STX16: variants seen among roughly 807,000 people sequenced by gnomAD.
STX16 encodes syntaxin-16.
In STX16, 28 loss-of-function variants were observed where a neutral mutation model predicts 42.7. The observed-to-expected ratio is 0.66, with a 90% CI of 0.49 to 0.90. The LOEUF (loss-of-function observed/expected upper bound fraction) is 0.90, where lower values mean the gene tolerates loss of function less well. Ranked by LOEUF, STX16 falls within the 40% of genes least tolerant of loss-of-function variation. The pLI is 0.00. For synonymous variants in STX16, 156 were observed against 155.2 expected (o/e 1.00, Z -0.04); for missense variants, 361 against 420.9 (o/e 0.86, Z 1.24).
intron 5 of STX16, 25 bp downstream of exon 5, chr20:58,669,478 AG>A (rs1274218366): frequency 1.1e-5 from 18 of 1,580,308 alleles, no homozygotes; most frequent in Non-Finnish European, 1.5e-5. Flanking sequence ...GGCCTAGTGA[AG>A]GGATTTTGAG....
intron 8 of STX16, among the ~76,000 whole-genome samples, chr20:58,674,608 A>G (rs940174493): frequency 1.3e-5 from 2 of 152,204 alleles, no homozygotes; most frequent in African/African-American, 4.8e-5. Flanking sequence ...CAGCCCTTGC[A>G]CTAGTCTAAC....
chr20:58,664,427 CTATT>C (rs2083769601), intron 2 of STX16, among the ~76,000 whole-genome samples: 1 of 152,190 alleles, frequency 6.6e-6, no homozygotes, highest in African/African-American at 2.4e-5. Context: ...AAATTATTCG[CTATT>C]TAAAGTTTTC....
In STX16 at chr20:58,652,111, C is replaced by T; in HGVS notation, c.105C>T (p.Ser35=). 6.2e-7 allele frequency: 1 copy of T among 1,614,172 alleles called. No homozygotes were observed. The highest frequency in any genetic ancestry group is 8.5e-7 in the Non-Finnish European group (1 of 1,180,036). ...AAGTGAGTAGTCACATCACCTCCAG[C>T]CCTCTGCATTCACGTAGCATTGCTG... ...AEQVSSHITS[S]PLHSRSIAAE... is the part of the protein sequence containing the mutation. Residue 35 remains serine (S), a synonymous_variant, in exon 1 of 9, where the codon AGC becomes AGT. Coordinates refer to ENST00000371141, the MANE Select transcript of STX16 (RefSeq NM_001001433.3).
At chr20:58,667,740 A>C (rs1003646725) in intron 3 of STX16, 143 bp downstream of exon 3, 22 of 870,256 alleles carry the variant, frequency 2.5e-5, no homozygotes, top group Admixed American at 2.4e-5. Context: ...TAAGTTGTCT[A>C]TGTGTGTGTT....
At chr20:58,670,789 G>A (rs1457388368) in intron 6 of STX16, among the ~76,000 whole-genome samples, 186 bp downstream of exon 6, 3 of 152,194 alleles carry the variant, frequency 2.0e-5, no homozygotes, top group Non-Finnish European at 4.4e-5. Context: ...AAGGCCACAG[G>A]GAGACCTTGT....
At chr20:58,671,369 C>G in intron 7 of STX16, 72 bp downstream of exon 7, 1 of 1,480,552 alleles carries the variant, frequency 6.8e-7, no homozygotes, top group South Asian at 1.4e-5. Flanking sequence ...TCCTGTACTC[C>G]TTTCAGGGAA....
rs1487380165 is a variant in STX16 at position 58,672,178 on chromosome 20, C to CA, written c.792+888dup. ...TGAAACCCCGTCTCTGCTAAAAATA[C>CA]AAAAAAATTAGCTGGGCATGGTGGC... On this transcript the variant is annotated intron_variant, in intron 7 of 8. Transcript: ENST00000371141. Among the ~76,000 whole-genome samples the CA allele has an allele frequency of 3.9e-5, 6 of 151,940 alleles. No homozygotes were observed. In the East Asian group the frequency reaches 1.2e-3, roughly 29 times the overall value.
chr20:58,670,367 C>T, intron 5 of STX16, 145 bp from the exon 6 acceptor site: 2 of 615,134 alleles, frequency 3.3e-6, no homozygotes, highest in South Asian at 3.8e-5. Flanking sequence ...CCCTCCACCC[C>T]CATTGGAGAT....
At chr20:58,676,099 G>T (rs2084114416) in intron 8 of STX16, 88 bp from the exon 9 acceptor site, 2 of 1,036,966 alleles carry the variant, frequency 1.9e-6, no homozygotes, top group Non-Finnish European at 1.5e-6. Flanking sequence ...TGTGCAGAGA[G>T]ATCTGGAAGC....
Position 58,651,764 on chromosome 20 carries a change from A to C in STX16, c.-243A>C. The C allele has an allele frequency of 2.2e-6, 1 of 454,854 alleles. No individual in the cohort carries two copies. The highest frequency in any genetic ancestry group is 4.1e-5 in the East Asian group (1 of 24,292). 28.2% of individuals were successfully genotyped at this position (454,854 alleles called of 1,614,324 possible). On this transcript the variant is annotated 5_prime_UTR_variant, in exon 1 of 9. Coordinates refer to ENST00000371141, the MANE Select transcript of STX16 (RefSeq NM_001001433.3). ...AAGGATTGGGGGGATTCAAGTGCTT[A>C]GAGATCGAAGTCTGCCCTGGGTAGG...
At chr20:58,653,104 A>G (rs572040868) in intron 1 of STX16, among the ~76,000 whole-genome samples, 13 of 152,244 alleles carry the variant, frequency 8.5e-5, no homozygotes, top group African/African-American at 1.2e-4. Flanking sequence ...GCTGTAGTTC[A>G]GGCTACCTGC....
rs2084190112 is a variant in STX16, at chr20:58,678,491, A to T, written c.*2200A>T. 1 of 152,056 alleles carries T rather than the reference A, an allele frequency of 6.6e-6. No homozygotes were observed. The highest frequency in any genetic ancestry group is 1.5e-5 in the Non-Finnish European group (1 of 68,040). The allele number at this position is 152,056 out of a possible 1,614,324, so 9.4% of individuals were successfully genotyped here. ...GAAACCCCGTCTCTACAAAAAATACAAAAATTAGCCGGGTGGGACACGCCT... is the reference window on the plus strand; with the variant it reads ...GAAACCCCGTCTCTACAAAAAATACTAAAATTAGCCGGGTGGGACACGCCT... On this transcript the variant is annotated 3_prime_UTR_variant, in exon 9 of 9. Transcript: ENST00000371141.
Position 58,668,064 on chromosome 20 carries a change from C to T in STX16, c.330C>T (p.Pro110=), listed in dbSNP as rs1379325833. 6.2e-7 allele frequency: 1 copy of T among 1,614,202 alleles called. No homozygotes were observed. Among genetic ancestry groups the T allele is most frequent in the Non-Finnish European group, 8.5e-7 (1 of 1,180,050 alleles). ...ASLHDKHLNR[P]TLDDSSEEEH... is the part of the protein sequence containing the mutation. ...TTCATGACAAGCATTTAAACAGACC[C>T]ACCCTGGATGACAGCAGCGAAGAGG... is the stretch of plus-strand genomic sequence containing the variant. Residue 110 remains proline, a synonymous_variant, in exon 4 of 9, where the codon CCC becomes CCT. Transcript: ENST00000371141.
rs768404886 is a variant in STX16, at chr20:58,670,501, A to G, written c.557-11A>G. 15 of 1,609,412 alleles carry G rather than the reference A, an allele frequency of 9.3e-6. No homozygotes were observed. Among genetic ancestry groups the G allele is most frequent in the South Asian group, 3.3e-5 (3 of 90,944 alleles). Reference sequence around the variant, plus strand: ...ACATATTCAAGTAAAATGAATTCCTATCTGTGATAGGCATGAAGAATCGAG... The same window carrying G: ...ACATATTCAAGTAAAATGAATTCCTGTCTGTGATAGGCATGAAGAATCGAG... On this transcript the variant is annotated splice_polypyrimidine_tract_variant and intron_variant, in intron 5 of 8. Transcript: ENST00000371141.
At chr20:58,671,381 A>C in intron 7 of STX16, 84 bp downstream of exon 7, 1 of 1,449,788 alleles carries the variant, frequency 6.9e-7, no homozygotes, top group Non-Finnish European at 9.2e-7. Flanking sequence ...TTCAGGGAAA[A>C]AAATTGGAGC....
intron 2 of STX16, among the ~76,000 whole-genome samples, chr20:58,659,988 G>C (rs963763802): frequency 3.3e-5 from 5 of 152,166 alleles, no homozygotes; most frequent in African/African-American, 1.2e-4. Flanking sequence ...CACTTCCTCA[G>C]GTAGACAGTA....
chr20:58,656,695 C>G, intron 1 of STX16, among the ~76,000 whole-genome samples: 1 of 152,138 alleles, frequency 6.6e-6, no homozygotes, highest in East Asian at 1.9e-4. Flanking sequence ...TAGTTTGAAA[C>G]ATAAGCACAT....
intron 7 of STX16, among the ~76,000 whole-genome samples, chr20:58,673,406 C>T (rs186764893): frequency 6.6e-6 from 1 of 152,292 alleles, no homozygotes. Flanking sequence ...GTCAGTACTT[C>T]TTTCTCGTGA....
chr20:58,651,939 G>C lies in STX16; in HGVS notation c.-68G>C. The C allele has an allele frequency of 6.4e-7, 1 of 1,554,786 alleles. No individual in the cohort carries two copies. Among genetic ancestry groups the C allele is most frequent in the Non-Finnish European group, 8.8e-7 (1 of 1,131,432 alleles). The stretch of plus-strand genomic sequence containing the variant: ...GGTGGGCCAGCCGGGCCACGAGAAA[G>C]AAAGTGAATAAATCAGGAATATAAG... On this transcript the variant is annotated 5_prime_UTR_variant, in exon 1 of 9. Coordinates refer to ENST00000371141, the MANE Select transcript of STX16 (RefSeq NM_001001433.3).
Sources: gnomAD v4.1 joint callset for allele counts (sites outside exome capture counted in the v4.1 genomes callset) on GRCh38, gnomAD v4.1.1 for gene constraint, MANE v1.5 for transcripts, NCBI Gene and HGNC (gene_info 2026-07-23, HGNC 2026-07-21) for gene names.